CHST9: variants seen among roughly 807,000 people sequenced by gnomAD.
CHST9 encodes carbohydrate sulfotransferase 9, also known as GalNAc-4-sulfotransferase 2.
Under a neutral mutation model 44.4 loss-of-function variants are expected in CHST9, and 41 were observed. The ratio of observed to expected loss-of-function variants is 0.92; its 90% CI spans 0.72 to 1.20. The LOEUF is 1.20. CHST9 is among the 50% of genes most tolerant of loss of function. CHST9 has a pLI of 0.00. For missense variants in CHST9, 504 were observed against 516.5 expected (o/e 0.98, Z 0.23); for synonymous variants, 171 against 178.4 (o/e 0.96, Z 0.33).
At chr18:26,932,654 GCCATCT>G (rs2055900051) in intron 5 of CHST9, among the ~76,000 whole-genome samples, 1 of 152,026 alleles carries the variant, frequency 6.6e-6, no homozygotes, top group East Asian at 1.9e-4. Context: ...GCTCTATAAT[GCCATCT>G]CCATGGTGAT....
chr18:26,945,748 G>A (rs1002098358), intron 4 of CHST9, among the ~76,000 whole-genome samples: 1 of 152,128 alleles, frequency 6.6e-6, no homozygotes, highest in African/African-American at 2.4e-5. Context: ...GTTATTATGT[G>A]AACATAAATC....
At chr18:27,091,770 C>T (rs1028426448) in intron 2 of CHST9, among the ~76,000 whole-genome samples, 2 of 152,104 alleles carry the variant, frequency 1.3e-5, no homozygotes, top group Non-Finnish European at 2.9e-5. Context: ...ATATGTTGAA[C>T]CAGCTTTGCA....
At chr18:27,183,307 A>T (rs72885951) in intron 1 of CHST9, among the ~76,000 whole-genome samples, 8,195 of 152,294 alleles carry the variant, frequency 0.054, 311 homozygotes, top group Non-Finnish European at 0.079. Context: ...CAGGATAGTC[A>T]TGGGAATGTA....
At chr18:27,130,622 C>T (rs899677105) in intron 2 of CHST9, among the ~76,000 whole-genome samples, 1 of 152,144 alleles carries the variant, frequency 6.6e-6, no homozygotes, top group Admixed American at 6.5e-5. Context: ...AGCTTTCAAA[C>T]ATATAAACAA....
At chr18:27,162,621 C>T (rs947086448) in intron 1 of CHST9, among the ~76,000 whole-genome samples, 11 of 152,236 alleles carry the variant, frequency 7.2e-5, no homozygotes, top group South Asian at 4.1e-4. Flanking sequence ...ATCTTTGTGG[C>T]GTTCTCTGTA....
chr18:26,962,625 T>C (rs947172448), intron 4 of CHST9, among the ~76,000 whole-genome samples: 3 of 152,154 alleles, frequency 2.0e-5, no homozygotes, highest in Admixed American at 6.5e-5. Flanking sequence ...TTTTTTAACT[T>C]ATCTCAATCT....
chr18:27,060,261 C>G (rs1225113282), intron 2 of CHST9, among the ~76,000 whole-genome samples: 3 of 152,180 alleles, frequency 2.0e-5, no homozygotes, highest in Non-Finnish European at 4.4e-5. Flanking sequence ...CTAGGGCCTT[C>G]AAGTGGGGGC....
chr18:27,033,099 C>A (rs1177120902), intron 3 of CHST9, among the ~76,000 whole-genome samples: 1 of 152,160 alleles, frequency 6.6e-6, no homozygotes, highest in African/African-American at 2.4e-5. Context: ...AAATTAGCAC[C>A]AAGCAATCTC....
At chr18:27,087,188 T>C (rs965886782) in intron 2 of CHST9, among the ~76,000 whole-genome samples, 6 of 152,234 alleles carry the variant, frequency 3.9e-5, no homozygotes, top group Admixed American at 1.3e-4. Context: ...TTGGACTCTA[T>C]TCTCTTTCCT....
chr18:27,116,725 G>C (rs1349938052), intron 2 of CHST9, among the ~76,000 whole-genome samples: 1 of 152,106 alleles, frequency 6.6e-6, no homozygotes, highest in Non-Finnish European at 1.5e-5. Flanking sequence ...TCCAATCCTT[G>C]ATCATTAGAT....
At chr18:27,078,514 A>G (rs1383177781) in intron 2 of CHST9, among the ~76,000 whole-genome samples, 1 of 152,156 alleles carries the variant, frequency 6.6e-6, no homozygotes. Context: ...TATAATCTTA[A>G]ACCTTAAAAA....
intron 1 of CHST9, among the ~76,000 whole-genome samples, chr18:27,178,813 C>G (rs1262369356): frequency 6.6e-6 from 1 of 151,962 alleles, no homozygotes. Flanking sequence ...AATTCTAATA[C>G]AGCAGTTTAT....
Position 26,973,606 on chromosome 18 carries a change from T to C in CHST9, c.203-29240A>G, listed in dbSNP as rs551552470. Among the ~76,000 whole-genome samples the C allele has an allele frequency of 3.3e-5, 5 of 152,352 alleles. No homozygotes were observed. In the South Asian group the frequency reaches 1.0e-3, roughly 32 times the overall value. On this transcript the variant is annotated intron_variant, in intron 4 of 5. Coordinates refer to ENST00000618847, the MANE Select transcript of CHST9 (RefSeq NM_031422.6). ...TGTTTTTTTGCAATTTTTAAAAGCG[T>C]ATCTGCTATTGTTAGTGTATTTTAC... is the stretch of plus-strand genomic sequence containing the variant.
intron 2 of CHST9, among the ~76,000 whole-genome samples, chr18:27,057,070 TG>T (rs2057664946): frequency 6.6e-6 from 1 of 152,228 alleles, no homozygotes; most frequent in Non-Finnish European, 1.5e-5. Context: ...TAGTCTAATG[TG>T]GTCTGAAGAG....
intron 2 of CHST9, among the ~76,000 whole-genome samples, chr18:27,076,413 A>C (rs2057904750): frequency 1.3e-5 from 2 of 152,114 alleles, no homozygotes; most frequent in South Asian, 4.1e-4. Flanking sequence ...CTAAGTTTCC[A>C]CTTAAAACTT....
chr18:27,052,254 G>A (rs1037711636), intron 2 of CHST9, among the ~76,000 whole-genome samples: 8 of 148,176 alleles, frequency 5.4e-5, no homozygotes, highest in Non-Finnish European at 1.0e-4. Flanking sequence ...AGGTGTGTGT[G>A]TATATATATA....
In CHST9 at chr18:26,916,311, T is replaced by G; in HGVS notation, c.1280A>C (p.Asp427Ala). Residue 427 changes from aspartate to alanine, a missense_variant, in exon 6 of 6, where the codon GAC (aspartate) becomes GCC (alanine). Asp to Ala is a moderately radical substitution (Grantham distance 126). Coordinates refer to ENST00000618847, the MANE Select transcript of CHST9 (RefSeq NM_031422.6). ...LTRTERQLIY[D>A]FYYLDYLMFN... ...CATTAAATAGTCCAAGTAATAAAAG[T>G]CATAGATTAATTGTCTCTCAGTTCT... The G allele has an allele frequency of 6.2e-7, 1 of 1,604,744 alleles. No homozygotes were observed. The highest frequency in any genetic ancestry group is 8.5e-7 in the Non-Finnish European group (1 of 1,172,436).
intron 2 of CHST9, among the ~76,000 whole-genome samples, chr18:27,054,254 G>T (rs1225067292): frequency 6.6e-6 from 1 of 152,202 alleles, no homozygotes; most frequent in Non-Finnish European, 1.5e-5. Context: ...TATTATATTA[G>T]AAAAGTGGGT....
Position 27,007,214 on chromosome 18 carries a change from T to A in CHST9, c.202+16902A>T, listed in dbSNP as rs2057027277. Among the ~76,000 whole-genome samples, 3 of 152,144 alleles carry A rather than the reference T, an allele frequency of 2.0e-5. No individual in the cohort carries two copies. In the South Asian group the frequency reaches 6.2e-4, roughly 32 times the overall value. ...TTACAACTATTTAATAAAATGGCTG[T>A]CTCCTGTTTCCATAGTCAGTGAGAG... On this transcript the variant is annotated intron_variant, in intron 4 of 5. Coordinates refer to ENST00000618847, the MANE Select transcript of CHST9 (RefSeq NM_031422.6).
Sources: allele counts gnomAD v4.1 joint callset (sites outside exome capture counted in the v4.1 genomes callset), GRCh38; gene constraint gnomAD v4.1.1; transcripts MANE v1.5; gene names NCBI Gene and HGNC (gene_info 2026-07-23, HGNC 2026-07-21).